FOXP2: variants seen among roughly 807,000 people sequenced by gnomAD.
FOXP2 encodes the protein forkhead box P2, also known as forkhead box protein P2.
Under a neutral mutation model 115.8 loss-of-function variants are expected in FOXP2, and 12 were observed. That is an observed-to-expected ratio of 0.10 (90% CI 0.07 to 0.17). The LOEUF is 0.17. Ranked by LOEUF, FOXP2 falls within the 10% of genes least tolerant of loss-of-function variation. The pLI is 1.00. For synonymous variants in FOXP2, 328 were observed against 297.7 expected (o/e 1.10, Z -1.05); for missense variants, 629 against 843.5 (o/e 0.75, Z 3.15).
intron 1 of FOXP2, among the ~76,000 whole-genome samples, chr7:114,139,516 T>G (rs1287401870): frequency 2.0e-5 from 3 of 152,180 alleles, no homozygotes; most frequent in Non-Finnish European, 4.4e-5. Flanking sequence ...ACTTTTTTAG[T>G]CTTTAATAGT....
chr7:114,523,217 T>TA (rs1798707477), intron 2 of FOXP2, among the ~76,000 whole-genome samples: 1 of 152,302 alleles, frequency 6.6e-6, no homozygotes, highest in African/African-American at 2.4e-5. Context: ...GATGAGATCA[T>TA]ACAGAAACTC....
chr7:114,448,738 A>G (rs1033988784), intron 2 of FOXP2, among the ~76,000 whole-genome samples: 7 of 152,138 alleles, frequency 4.6e-5, no homozygotes, highest in African/African-American at 7.2e-5. Context: ...TCGGTATTTA[A>G]TTAGTACCAC....
chr7:114,662,556 C>T (rs532262569), intron 14 of FOXP2, among the ~76,000 whole-genome samples: 1 of 152,156 alleles, frequency 6.6e-6, no homozygotes, highest in African/African-American at 2.4e-5. Context: ...GCTAATTTTG[C>T]ATATACTGGT....
intron 3 of FOXP2, among the ~76,000 whole-genome samples, chr7:114,615,885 C>T (rs1462418927): frequency 6.6e-6 from 1 of 152,122 alleles, no homozygotes; most frequent in African/African-American, 2.4e-5. Context: ...CCTTTTTATT[C>T]CTCAGGTTTT....
upstream of FOXP2, among the ~76,000 whole-genome samples, chr7:114,412,251 G>A (rs1793182902): frequency 6.6e-6 from 1 of 152,066 alleles, no homozygotes; most frequent in Admixed American, 6.6e-5. Context: ...TCACGTACCT[G>A]CCATAGGGTT....
At chr7:114,255,115 T>C (rs1192835077) in intron 1 of FOXP2, among the ~76,000 whole-genome samples, 4 of 152,172 alleles carry the variant, frequency 2.6e-5, no homozygotes, top group African/African-American at 4.8e-5. Context: ...CGAATATTGA[T>C]GAACAGCAAA....
At chr7:114,486,873 G>A (rs1023790436) in intron 2 of FOXP2, among the ~76,000 whole-genome samples, 8 of 152,206 alleles carry the variant, frequency 5.3e-5, no homozygotes, top group Admixed American at 2.0e-4. Context: ...CTCCACCCCT[G>A]TGGCTTTGCA....
At chr7:114,340,369 TAAAG>T (rs1243203533) in intron 2 of FOXP2, among the ~76,000 whole-genome samples, 1 of 151,092 alleles carries the variant, frequency 6.6e-6, no homozygotes, top group African/African-American at 2.4e-5. Flanking sequence ...CTAAGGGACA[TAAAG>T]AATATATTAG....
intron 2 of FOXP2, among the ~76,000 whole-genome samples, chr7:114,439,198 A>G (rs1214958295): frequency 1.3e-5 from 2 of 152,200 alleles, no homozygotes; most frequent in African/African-American, 4.8e-5. Flanking sequence ...CTCTGTTTTC[A>G]AATGAGTTGG....
intron 3 of FOXP2, among the ~76,000 whole-genome samples, chr7:114,581,008 C>G (rs143196422): frequency 6.6e-6 from 1 of 150,550 alleles, no homozygotes; most frequent in African/African-American, 2.4e-5. Flanking sequence ...GAATGTGAAT[C>G]TATAGCAGTA....
At chr7:114,153,232 A>G (rs1165518935) in intron 1 of FOXP2, among the ~76,000 whole-genome samples, 1 of 152,138 alleles carries the variant, frequency 6.6e-6, no homozygotes, top group East Asian at 1.9e-4. Context: ...TCTTAAAAAG[A>G]GTAGTGCCAT....
intron 12 of FOXP2, 51 bp from the exon 13 acceptor site, chr7:114,659,521 C>A: frequency 6.3e-7 from 1 of 1,580,270 alleles, no homozygotes; most frequent in South Asian, 1.1e-5. Flanking sequence ...GTCATCTAGT[C>A]TAGTTAGTAA....
intron 2 of FOXP2, among the ~76,000 whole-genome samples, chr7:114,523,215 C>G (rs901264230): frequency 1.3e-5 from 2 of 152,136 alleles, no homozygotes; most frequent in African/African-American, 4.8e-5. Flanking sequence ...GGGATGAGAT[C>G]ATACAGAAAC....
chr7:114,278,701 G>T (rs967437662), intron 1 of FOXP2, among the ~76,000 whole-genome samples: 1 of 152,172 alleles, frequency 6.6e-6, no homozygotes, highest in Non-Finnish European at 1.5e-5. Context: ...AATCTGTGAA[G>T]TAAGCAAAAT....
At chr7:114,292,354 A>G (rs1796626388) in intron 2 of FOXP2, among the ~76,000 whole-genome samples, 1 of 152,064 alleles carries the variant, frequency 6.6e-6, no homozygotes, top group Non-Finnish European at 1.5e-5. Context: ...GAGTTTTCTT[A>G]CAGTACAGTT....
chr7:114,143,387 T>TA (rs1006152058), intron 1 of FOXP2, among the ~76,000 whole-genome samples: 5 of 152,026 alleles, frequency 3.3e-5, no homozygotes, highest in African/African-American at 1.2e-4. Flanking sequence ...CCCTTGCTCC[T>TA]AAAAAATGGA....
chr7:114,313,894 A>T (rs1209549415), intron 2 of FOXP2, among the ~76,000 whole-genome samples: 1 of 152,176 alleles, frequency 6.6e-6, no homozygotes. Context: ...CCAACATTTT[A>T]TCTTGAGTCT....
chr7:114,388,255 T>G (rs116869628), intron 2 of FOXP2, among the ~76,000 whole-genome samples: 1 of 152,144 alleles, frequency 6.6e-6, no homozygotes, highest in Non-Finnish European at 1.5e-5. Context: ...AAAGCTGAAT[T>G]GTAAAATGAG....
intron 1 of FOXP2, among the ~76,000 whole-genome samples, chr7:114,121,315 G>T (rs1426579135): frequency 6.6e-6 from 1 of 152,066 alleles, no homozygotes; most frequent in African/African-American, 2.4e-5. Context: ...GGGCCAGGCT[G>T]TTCCCCTGAT....
Sources: allele counts gnomAD v4.1 joint callset (sites outside exome capture counted in the v4.1 genomes callset), GRCh38; gene constraint gnomAD v4.1.1; transcripts MANE v1.5; gene names NCBI Gene and HGNC (gene_info 2026-07-23, HGNC 2026-07-21).